The following NRXN1 variants were observed in gnomAD, a reference collection of about 807,000 sequenced individuals.
The protein encoded by NRXN1 is neurexin 1.
Under a neutral mutation model 150.9 loss-of-function variants are expected in NRXN1, and 39 were observed. That is an observed-to-expected ratio of 0.26 (90% CI 0.20 to 0.34). NRXN1 has a LOEUF of 0.34. NRXN1 is among the 10% of genes least tolerant of loss of function. The pLI is 1.00. For missense variants in NRXN1, 1,815 were observed against 1,949.9 expected, an observed-to-expected ratio of 0.93 and a Z score of 1.30; for synonymous variants, 924 against 757.0, an observed-to-expected ratio of 1.22 and a Z score of -3.62.
intron 5 of NRXN1, among the ~76,000 whole-genome samples, chr2:50,733,839 G>C (rs1698400320): frequency 6.6e-6 from 1 of 152,162 alleles, no homozygotes; most frequent in African/African-American, 2.4e-5. Context: ...AAAGATTATA[G>C]TTTTAATCTG....
rs190916448 is a variant in NRXN1, at chr2:50,969,212, A to G, written c.773-43257T>C. Among the ~76,000 whole-genome samples, 422 of 152,262 alleles carry G rather than the reference A, an allele frequency of 2.8e-3. 2 individuals carry two copies. The highest frequency in any genetic ancestry group is 9.4e-3 in the African/African-American group (392 of 41,568). On this transcript the variant is annotated intron_variant, in intron 2 of 22. Coordinates refer to ENST00000401669, the MANE Select transcript of NRXN1 (RefSeq NM_001330078.2). The stretch of plus-strand genomic sequence containing the variant: ...TTTATACTGTTTTTATTTTCTGCGG[A>G]GCACTAATCATTAATTAATATATTA...
intron 8 of NRXN1, among the ~76,000 whole-genome samples, chr2:50,553,544 G>A (rs1449113591): frequency 2.0e-5 from 3 of 152,120 alleles, no homozygotes. Flanking sequence ...TTGCAAGACA[G>A]TCACAACAAG....
At chr2:50,436,813 T>C (rs1252279099) in intron 17 of NRXN1, among the ~76,000 whole-genome samples, 1 of 152,216 alleles carries the variant, frequency 6.6e-6, no homozygotes, top group African/African-American at 2.4e-5. Flanking sequence ...AAATTAATTT[T>C]GCTGAGGGAG....
At chr2:50,645,251 T>TA (rs1346693680) in intron 5 of NRXN1, among the ~76,000 whole-genome samples, 1 of 151,892 alleles carries the variant, frequency 6.6e-6, no homozygotes, top group East Asian at 1.9e-4. Flanking sequence ...ATATTCAAAA[T>TA]GTGATTCAAA....
At chr2:50,951,858 T>A (rs141133015) in intron 2 of NRXN1, among the ~76,000 whole-genome samples, 12 of 150,390 alleles carry the variant, frequency 8.0e-5, no homozygotes, top group African/African-American at 2.9e-4. Context: ...AAATAATATA[T>A]GTTATATAAT....
intron 21 of NRXN1, among the ~76,000 whole-genome samples, chr2:49,948,296 G>C (rs1380038846): frequency 1.3e-5 from 2 of 152,022 alleles, no homozygotes; most frequent in South Asian, 2.1e-4. Context: ...GAACGTGTGA[G>C]AATGTTCTCA....
At chr2:50,123,979 T>C (rs1704218759) in intron 18 of NRXN1, among the ~76,000 whole-genome samples, 1 of 152,084 alleles carries the variant, frequency 6.6e-6, no homozygotes, top group Non-Finnish European at 1.5e-5. Context: ...ATACAGATGG[T>C]ATTAAAAGCC....
At chr2:50,763,088 C>G (rs1256800809) in intron 5 of NRXN1, among the ~76,000 whole-genome samples, 2 of 151,918 alleles carry the variant, frequency 1.3e-5, no homozygotes, top group Non-Finnish European at 2.9e-5. Context: ...TTAGGAGCCT[C>G]CCTTCATTTT....
intron 2 of NRXN1, among the ~76,000 whole-genome samples, chr2:50,942,725 C>CT (rs558125001): frequency 1.2e-3 from 181 of 152,294 alleles, no homozygotes; most frequent in Non-Finnish European, 2.3e-3. Context: ...TTGAAAGTAA[C>CT]TAACATGTTT....
At chr2:50,991,919 T>C (rs1046069541) in intron 2 of NRXN1, among the ~76,000 whole-genome samples, 2 of 152,036 alleles carry the variant, frequency 1.3e-5, no homozygotes, top group African/African-American at 4.8e-5. Context: ...ATTTCCGCCA[T>C]TATTTTCTAA....
intron 21 of NRXN1, among the ~76,000 whole-genome samples, chr2:50,026,364 G>A (rs1210795507): frequency 6.6e-6 from 1 of 152,180 alleles, no homozygotes; most frequent in African/African-American, 2.4e-5. Flanking sequence ...TCTGGAGAGT[G>A]TAGTTTTTCA....
intron 22 of NRXN1, among the ~76,000 whole-genome samples, chr2:49,927,879 T>G (rs1669384012): frequency 6.6e-6 from 1 of 152,158 alleles, no homozygotes; most frequent in Non-Finnish European, 1.5e-5. Context: ...TATATATATT[T>G]TGGTTCCAAA....
intron 17 of NRXN1, among the ~76,000 whole-genome samples, chr2:50,272,629 G>C (rs776841378): frequency 6.6e-6 from 1 of 151,988 alleles, no homozygotes; most frequent in South Asian, 2.1e-4. Context: ...AAATGGAAGA[G>C]TAAATAAAAC....
At chr2:50,121,342 T>G (rs570988849) in intron 18 of NRXN1, among the ~76,000 whole-genome samples, 1 of 152,304 alleles carries the variant, frequency 6.6e-6, no homozygotes, top group African/African-American at 2.4e-5. Flanking sequence ...TTCACCTCAT[T>G]TAATCCTTAC....
intron 3 of NRXN1, 40 bp from the exon 4 acceptor site, chr2:50,922,727 G>A: frequency 6.2e-7 from 1 of 1,605,300 alleles, no homozygotes; most frequent in Non-Finnish European, 8.5e-7. Flanking sequence ...ATAAACAAGG[G>A]AGCATGGGAA....
rs142114597 is a variant in NRXN1, at chr2:50,498,832, A to T, written c.2498-1118T>A. ...CTCTCTTCTGCAACTAAAAATGCTC[A>T]TTTATTTTGTAATCAAGTTCTTCCA... On this transcript the variant is annotated intron_variant, in intron 13 of 22. Coordinates refer to ENST00000401669, the MANE Select transcript of NRXN1 (RefSeq NM_001330078.2). 3.3e-4 allele frequency among the ~76,000 whole-genome samples: 50 copies of T among 152,312 alleles called. 1 individual carries two copies. The highest frequency in any genetic ancestry group is 1.1e-3 in the African/African-American group (47 of 41,564).
At chr2:50,069,847 G>GT (rs1244777512) in intron 19 of NRXN1, among the ~76,000 whole-genome samples, 2,270 of 63,724 alleles carry the variant, frequency 0.036, 31 homozygotes, top group African/African-American at 0.046. Context: ...GATTTTGGGG[G>GT]TTTTTTTTTT....
chr2:50,821,935 A>T (rs910432075), intron 5 of NRXN1, among the ~76,000 whole-genome samples: 1 of 152,100 alleles, frequency 6.6e-6, no homozygotes, highest in African/African-American at 2.4e-5. Context: ...ATTTATTTTT[A>T]ATTTTCTGAG....
intron 18 of NRXN1, among the ~76,000 whole-genome samples, chr2:50,186,458 C>G (rs962249645): frequency 6.6e-6 from 1 of 152,072 alleles, no homozygotes; most frequent in African/African-American, 2.4e-5. Context: ...GAAGTTACAT[C>G]ATCAGGGTCC....
Sources: gnomAD v4.1 joint callset for allele counts (sites outside exome capture counted in the v4.1 genomes callset) on GRCh38, gnomAD v4.1.1 for gene constraint, MANE v1.5 for transcripts, NCBI Gene and HGNC (gene_info 2026-07-23, HGNC 2026-07-21) for gene names.